AHR: variants seen among roughly 807,000 people sequenced by gnomAD.
AHR encodes the protein aryl hydrocarbon receptor.
Under a neutral mutation model 86.8 loss-of-function variants are expected in AHR, and 40 were observed. That is an observed-to-expected ratio of 0.46 (90% CI 0.36 to 0.60). The LOEUF (loss-of-function observed/expected upper bound fraction) is 0.60, where lower values mean the gene tolerates loss of function less well. Ranked by LOEUF, AHR falls within the 20% of genes least tolerant of loss-of-function variation. AHR has a pLI of 0.00. For missense variants in AHR, 1,001 were observed against 1,011.6 expected (o/e 0.99, Z 0.14); for synonymous variants, 398 against 354.9 (o/e 1.12, Z -1.37).
chr7:17,322,448 G>A, intron 2 of AHR, 53 bp from the exon 3 acceptor site: 1 of 1,183,102 alleles, frequency 8.5e-7, no homozygotes, highest in Middle Eastern at 2.1e-4. Flanking sequence ...TTCTATTATA[G>A]CTCTTTACTC....
intron 1 of AHR, among the ~76,000 whole-genome samples, chr7:17,303,874 A>G (rs1337337603): frequency 2.0e-5 from 3 of 152,052 alleles, no homozygotes; most frequent in African/African-American, 7.2e-5. Flanking sequence ...TCCATCATCA[A>G]TCTGGGGATG....
chr7:17,304,727 T>G (rs866649710), intron 1 of AHR, among the ~76,000 whole-genome samples: 1 of 152,146 alleles, frequency 6.6e-6, no homozygotes, highest in South Asian at 2.1e-4. Flanking sequence ...AAAAAGAATG[T>G]CTTTAAAGAT....
At chr7:17,311,733 C>A (rs542797884) in intron 2 of AHR, among the ~76,000 whole-genome samples, 1 of 152,132 alleles carries the variant, frequency 6.6e-6, no homozygotes, top group East Asian at 1.9e-4. Flanking sequence ...CTATACCAAA[C>A]CCTTCATCTT....
intron 2 of AHR, among the ~76,000 whole-genome samples, chr7:17,321,594 T>TATACACACAC (rs71551782): frequency 6.8e-6 from 1 of 147,636 alleles, no homozygotes; most frequent in Non-Finnish European, 1.5e-5. Flanking sequence ...ACCACACACA[T>TATACACACAC]ACACACACAC....
At chr7:17,300,592 T>G (rs962656832) in intron 1 of AHR, among the ~76,000 whole-genome samples, 1 of 152,152 alleles carries the variant, frequency 6.6e-6, no homozygotes, top group Non-Finnish European at 1.5e-5. Context: ...TGATGAAAAT[T>G]TGGAAGTTTT....
rs141957269 is a variant in AHR, at chr7:17,306,625, A to G, written c.66-3311A>G. On this transcript the variant is annotated intron_variant, in intron 1 of 10. Transcript: ENST00000242057. The stretch of plus-strand genomic sequence containing the variant: ...CTAAATGTTGGTATTACTGAGGTCT[A>G]TCCTCAAGCCACTTTTTTCCTTTTC... Among the ~76,000 whole-genome samples the G allele has an allele frequency of 4.7e-3, 716 of 152,212 alleles. 4 individuals are homozygous for G. Among genetic ancestry groups the G allele is most frequent in the African/African-American group, 0.016 (672 of 41,540 alleles).
chr7:17,330,923 T>C (rs370088103), intron 6 of AHR, 37 bp downstream of exon 6: 1 of 1,597,162 alleles, frequency 6.3e-7, no homozygotes, highest in African/African-American at 1.4e-5. Context: ...GCTTTTACTA[T>C]TGTTACAATA....
chr7:17,344,174 T>C lies in AHR; in HGVS notation c.*1110T>C, dbSNP rs1472239580. 1 of 152,754 alleles carries C rather than the reference T, an allele frequency of 6.5e-6. No individual in the cohort carries two copies. Among genetic ancestry groups the C allele is most frequent in the Admixed American group, 6.5e-5 (1 of 15,274 alleles). The allele number at this position is 152,754 out of a possible 1,614,324, so 9.5% of individuals were successfully genotyped here. On this transcript the variant is annotated 3_prime_UTR_variant, in exon 11 of 11. Coordinates refer to ENST00000242057, the MANE Select transcript of AHR (RefSeq NM_001621.5). Reference sequence around the variant, plus strand: ...ACTGTTTTAGACCTATAATCCTTGATAATATATTGTGTTGACTTTATAAAT... The same window carrying C: ...ACTGTTTTAGACCTATAATCCTTGACAATATATTGTGTTGACTTTATAAAT...
At chr7:17,335,182 A>G (rs1438755550) in intron 8 of AHR, among the ~76,000 whole-genome samples, 186 bp downstream of exon 8, 16 of 152,130 alleles carry the variant, frequency 1.1e-4, no homozygotes, top group Non-Finnish European at 2.1e-4. Flanking sequence ...CCTGCCATGT[A>G]GAAATATTGT....
In AHR at chr7:17,339,024, C is replaced by G. The variant is rs757131411; in HGVS notation, c.1199C>G (p.Thr400Arg). The G allele has an allele frequency of 3.4e-5, 55 of 1,613,728 alleles. No homozygotes were observed. In the Middle Eastern group the frequency reaches 8.2e-4, roughly 24 times the overall value. ...EGTEHLRKRN[T>R]KLPFMFTTGE... ...ACAGAGCATTTACGAAAACGAAATA[C>G]GAAGTTGCCTTTTATGTTTACCACT... Residue 400 changes from threonine (T) to arginine (R), a missense_variant, in exon 10 of 11, where the codon ACG becomes AGG. This residue lies in a region of AHR where 607 missense variants were observed against 543.1 expected (regional missense o/e 1.12). Coordinates refer to ENST00000242057, the MANE Select transcript of AHR (RefSeq NM_001621.5).
At chr7:17,333,416 A>C (rs980092997) in intron 6 of AHR, among the ~76,000 whole-genome samples, 1 of 151,918 alleles carries the variant, frequency 6.6e-6, no homozygotes, top group African/African-American at 2.4e-5. Flanking sequence ...AGGGCTCTGC[A>C]TTCTTTATAT....
intron 1 of AHR, among the ~76,000 whole-genome samples, chr7:17,309,579 C>T (rs966218967): frequency 1.3e-5 from 2 of 152,148 alleles, no homozygotes; most frequent in African/African-American, 4.8e-5. Context: ...TATAATTTAT[C>T]ACAAATTTCT....
intron 2 of AHR, among the ~76,000 whole-genome samples, chr7:17,314,234 A>G (rs1245128796): frequency 6.6e-6 from 1 of 152,102 alleles, no homozygotes; most frequent in Non-Finnish European, 1.5e-5. Context: ...GAATAGTAGT[A>G]TTCTAGTTAT....
intron 4 of AHR, among the ~76,000 whole-genome samples, chr7:17,328,107 A>T (rs1017942384): frequency 1.3e-5 from 2 of 152,050 alleles, no homozygotes; most frequent in South Asian, 4.1e-4. Context: ...TCAGGCACGT[A>T]GGGTCTAGGG....
intron 9 of AHR, among the ~76,000 whole-genome samples, chr7:17,337,700 C>T (rs1312696249): frequency 2.0e-5 from 3 of 150,870 alleles, no homozygotes; most frequent in Non-Finnish European, 1.5e-5. Flanking sequence ...TGGTCTCAAT[C>T]TCCTGACCTC....
In AHR at chr7:17,343,064, A is replaced by G; in HGVS notation, c.2547A>G (p.Ter849=). ...FPDLTSSGFL[*] ...ATTTGACATCCAGTGGATTCCTGTAATTCCAAGCCCAATTTTGACCCTGGT... is the reference window on the plus strand; with the variant it reads ...ATTTGACATCCAGTGGATTCCTGTAGTTCCAAGCCCAATTTTGACCCTGGT... The change falls in exon 11 of 11, where the codon TAA becomes TAG. Residue 849 remains the stop codon, a stop_retained_variant. Transcript: ENST00000242057. The G allele has an allele frequency of 6.2e-7, 1 of 1,613,556 alleles. No homozygotes were observed. The highest frequency in any genetic ancestry group is 1.3e-5 in the African/African-American group (1 of 75,008).
Position 17,339,765 on chromosome 7 carries a change from T to C in AHR, c.1940T>C (p.Val647Ala). The stretch of plus-strand genomic sequence containing the variant: ...TGTCAGAAGATGAAGCACATGCAAG[T>C]TAATGGCATGTTTGAAAATTGGAAC... ...QLCQKMKHMQ[V>A]NGMFENWNSN... The change falls in exon 10 of 11, where the codon GTT (valine) becomes GCT (alanine). Residue 647 changes from valine to alanine, a missense_variant. Val to Ala is a moderately conservative substitution (Grantham distance 64). Around this residue, in one of 2 missense-constraint regions of AHR, gnomAD observed 607 missense variants for 543.1 expected, o/e 1.12. Coordinates refer to ENST00000242057, the MANE Select transcript of AHR (RefSeq NM_001621.5). The C allele has an allele frequency of 1.2e-6, 2 of 1,614,182 alleles. No homozygotes were observed. The highest frequency in any genetic ancestry group is 1.7e-6 in the Non-Finnish European group (2 of 1,180,020).
chr7:17,332,660 G>A (rs1300850277), intron 6 of AHR, among the ~76,000 whole-genome samples: 1 of 151,956 alleles, frequency 6.6e-6, no homozygotes, highest in Non-Finnish European at 1.5e-5. Context: ...GTGTTTAAGT[G>A]TTATTACAGA....
At chr7:17,312,823 T>G (rs1227946020) in intron 2 of AHR, among the ~76,000 whole-genome samples, 1 of 152,194 alleles carries the variant, frequency 6.6e-6, no homozygotes, top group African/African-American at 2.4e-5. Flanking sequence ...CCTAGAAAGC[T>G]TTTTAAAATG....
Sources: gnomAD v4.1 joint callset for allele counts (sites outside exome capture counted in the v4.1 genomes callset) on GRCh38, gnomAD v4.1.1 for gene constraint, gnomAD v4.1.1 regional missense constraint, MANE v1.5 for transcripts, NCBI Gene and HGNC (gene_info 2026-07-23, HGNC 2026-07-21) for gene names.